Variants in PPP1R1C observed in about 807,000 individuals in gnomAD.
PPP1R1C encodes the protein protein phosphatase 1 regulatory subunit 1C.
PPP1R1C carries 15 observed loss-of-function variants against 17.4 expected under a neutral mutation model. The observed-to-expected ratio is 0.86, with a 90% confidence interval of 0.58 to 1.33. The LOEUF is 1.33. PPP1R1C is among the 40% of genes most tolerant of loss of function. PPP1R1C has a pLI of 0.00. For missense variants in PPP1R1C, 143 were observed against 130.0 expected, an observed-to-expected ratio of 1.10 and a Z score of -0.48; for synonymous variants, 35 against 43.1, an observed-to-expected ratio of 0.81 and a Z score of 0.73.
chr2:181,973,214 T>C (rs1392742269), intron 1 of PPP1R1C, among the ~76,000 whole-genome samples: 1 of 152,152 alleles, frequency 6.6e-6, no homozygotes, highest in Non-Finnish European at 1.5e-5. Flanking sequence ...TCAGTCAATA[T>C]AGGTTTCATG....
rs1685096606 is a variant in PPP1R1C, at chr2:181,976,649, CT to C, written n.157+1386del. On this transcript the variant is annotated intron_variant and non_coding_transcript_variant, in intron 2 of 5. Transcript: ENST00000464264. This position sits in a 1 kb window ranked among gnomAD's most constrained non-coding sequence, Gnocchi z 4.8. ...ATCTGTATCTATCTATTCCTCACTC[CT>C]CTCTGTCTCTTGAGTATTTTAAACA... 6.6e-6 allele frequency among the ~76,000 whole-genome samples: 1 copy of C among 151,998 alleles called. No homozygotes were observed. Among genetic ancestry groups the C allele is most frequent in the African/African-American group, 2.4e-5 (1 of 41,362 alleles).
chr2:182,071,152 A>G (rs1209584448), intron 4 of PPP1R1C, among the ~76,000 whole-genome samples: 1 of 152,126 alleles, frequency 6.6e-6, no homozygotes, highest in Non-Finnish European at 1.5e-5. Context: ...CTTGGTATCT[A>G]TTTAGTTTTT....
chr2:182,091,424 G>C (rs778528281), intron 4 of PPP1R1C, among the ~76,000 whole-genome samples: 1 of 152,028 alleles, frequency 6.6e-6, no homozygotes, highest in Non-Finnish European at 1.5e-5. Flanking sequence ...TGAGTGAACA[G>C]GCGGTGAGAA....
chr2:182,032,794 T>G lies in PPP1R1C; in HGVS notation c.143-28648T>G, dbSNP rs539640573. Among the ~76,000 whole-genome samples, 10 of 152,304 alleles carry G rather than the reference T, an allele frequency of 6.6e-5. No homozygotes were observed. In the South Asian group the frequency reaches 1.9e-3, roughly 28 times the overall value. On this transcript the variant is annotated intron_variant, in intron 2 of 4. Transcript: ENST00000682840. ...TGAGGATTAGAATAGCGTGATGGGA[T>G]GAATAATGCCCAACATACTAAGTGC... is the stretch of plus-strand genomic sequence containing the variant.
chr2:181,961,068 A>G lies in PPP1R1C; in HGVS notation n.111+6434A>G, dbSNP rs941655918. ...ATCAGAAGAGGGACAACTGCAAAATAAAGGCTGTAACAGGAGCGTGTGTCA... is the reference window on the plus strand; with the variant it reads ...ATCAGAAGAGGGACAACTGCAAAATGAAGGCTGTAACAGGAGCGTGTGTCA... On this transcript the variant is annotated intron_variant and non_coding_transcript_variant, in intron 1 of 5. Transcript: ENST00000464264. The surrounding 1 kb of genome is among the most constrained non-coding windows in gnomAD (Gnocchi z 5.8). The G allele has an allele frequency of 1.2e-5, 6 of 503,986 alleles. No individual in the cohort carries two copies. The highest frequency in any genetic ancestry group is 2.1e-5 in the Non-Finnish European group (6 of 280,766). 31.2% of individuals were successfully genotyped at this position (503,986 alleles called of 1,614,324 possible). A position where few individuals can be genotyped will look rare whatever the true frequency, so the allele number is the denominator to read the frequency against.
At chr2:181,980,366 G>C (rs965004255) in intron 2 of PPP1R1C, among the ~76,000 whole-genome samples, 1 of 152,168 alleles carries the variant, frequency 6.6e-6, no homozygotes, top group African/African-American at 2.4e-5. Context: ...CAAGGGGTGA[G>C]AGCGAATTCC....
At chr2:182,048,810 A>T (rs1044692544) in intron 2 of PPP1R1C, 1 of 152,204 alleles carries the variant, frequency 6.6e-6, no homozygotes, top group African/African-American at 2.4e-5. Context: ...ACCTTCAAAC[A>T]TGTTAGATAC....
rs376504846 is a variant in PPP1R1C, at chr2:182,129,819, T to C, written c.*852T>C. 104 of 152,252 alleles carry C rather than the reference T, an allele frequency of 6.8e-4. 3 individuals are homozygous for C. Among genetic ancestry groups the C allele is most frequent in the African/African-American group, 2.5e-3 (102 of 41,576 alleles). The allele number at this position is 152,252 out of a possible 1,614,324, so 9.4% of individuals were successfully genotyped here. On this transcript the variant is annotated 3_prime_UTR_variant, in exon 6 of 6. Transcript: ENST00000280295. ...TTTTATTCTTTCTTATACTGTCTTA[T>C]ATATTGACTTAGAGCTAAACTTCCT...
chr2:182,116,121 G>GA (rs1343257069), intron 4 of PPP1R1C, among the ~76,000 whole-genome samples: 1 of 151,932 alleles, frequency 6.6e-6, no homozygotes, highest in Non-Finnish European at 1.5e-5. Context: ...AAATAATTTT[G>GA]AAAAAAATCT....
intron 2 of PPP1R1C, among the ~76,000 whole-genome samples, chr2:181,979,966 A>G (rs752665761): frequency 7.2e-5 from 11 of 152,206 alleles, no homozygotes; most frequent in African/African-American, 2.2e-4. Context: ...TCACAGTCAG[A>G]CATCACCCTC....
At chr2:182,002,475 C>G (rs1402022836) in intron 2 of PPP1R1C, among the ~76,000 whole-genome samples, 1 of 151,894 alleles carries the variant, frequency 6.6e-6, no homozygotes, top group Non-Finnish European at 1.5e-5. Context: ...ACAATAACAA[C>G]AAAAACAAAC....
chr2:182,122,263 G>A (rs770571694), downstream of PPP1R1C, among the ~76,000 whole-genome samples: 9 of 152,162 alleles, frequency 5.9e-5, no homozygotes, highest in South Asian at 6.2e-4. Context: ...CACTTTTAGT[G>A]TTAATTTAAT....
chr2:182,061,496 AT>A lies in PPP1R1C; in HGVS notation c.180+21del, dbSNP rs1218436413. 6.2e-6 allele frequency: 9 copies of A among 1,447,420 alleles called. No homozygotes were observed. Among genetic ancestry groups the A allele is most frequent in the Non-Finnish European group, 2.7e-6 (3 of 1,097,726 alleles). 89.7% of individuals were successfully genotyped at this position (1,447,420 alleles called of 1,614,324 possible). ...CAAGGGGAAGTAAGTTTTTAAAAAT[AT>A]TTTGTATAAATGTGTTCAAATCAAT... On this transcript the variant is annotated intron_variant, in intron 3 of 4. Coordinates refer to ENST00000682840, the MANE Select transcript of PPP1R1C (RefSeq NM_001080545.3).
At chr2:182,013,058 G>T (rs1000389379) in intron 2 of PPP1R1C, among the ~76,000 whole-genome samples, 1 of 152,012 alleles carries the variant, frequency 6.6e-6, no homozygotes, top group Admixed American at 6.5e-5. Flanking sequence ...TGAATAGTTT[G>T]CACACCATAG....
chr2:182,111,581 T>C (rs1369576974), intron 4 of PPP1R1C, among the ~76,000 whole-genome samples: 1 of 152,118 alleles, frequency 6.6e-6, no homozygotes, highest in East Asian at 1.9e-4. Context: ...TTATTATAAA[T>C]GAATGACAAG....
rs867310351 is a variant in PPP1R1C at position 182,023,657 on chromosome 2, G to C, written c.142+35758G>C. Among the ~76,000 whole-genome samples the C allele has an allele frequency of 3.3e-5, 5 of 151,886 alleles. No individual in the cohort carries two copies. The South Asian group carries it at 6.3e-4, about 19-fold the overall frequency. On this transcript the variant is annotated intron_variant, in intron 2 of 4. Transcript: ENST00000682840. ...TTTTTTAAGACAGGATTTTCCTCTGGTTCCTCAGGCTGGAGTACAGTGGCA... is the reference window on the plus strand; with the variant it reads ...TTTTTTAAGACAGGATTTTCCTCTGCTTCCTCAGGCTGGAGTACAGTGGCA...
intron 2 of PPP1R1C, among the ~76,000 whole-genome samples, chr2:182,024,742 C>T (rs1232295692): frequency 6.6e-6 from 1 of 151,870 alleles, no homozygotes; most frequent in African/African-American, 2.4e-5. Context: ...GTAGTCCCAG[C>T]TACTCAGGAG....
At chr2:181,988,586 T>C (rs1685368352) in intron 2 of PPP1R1C, among the ~76,000 whole-genome samples, 1 of 152,234 alleles carries the variant, frequency 6.6e-6, no homozygotes, top group African/African-American at 2.4e-5. Context: ...CTTCTGGATA[T>C]ACAAGTAGGA....
chr2:182,042,470 A>G (rs570281426), intron 2 of PPP1R1C, among the ~76,000 whole-genome samples: 24 of 152,300 alleles, frequency 1.6e-4, no homozygotes, highest in African/African-American at 5.8e-4. Context: ...CCTAAGATGC[A>G]TCTAGCCTAC....
Sources: allele counts gnomAD v4.1 joint callset (sites outside exome capture counted in the v4.1 genomes callset), GRCh38; gene constraint gnomAD v4.1.1; non-coding constraint Gnocchi (gnomAD v3.1); transcripts MANE v1.5; gene names NCBI Gene and HGNC (gene_info 2026-07-23, HGNC 2026-07-21).